The following SCAF8 variants were observed in gnomAD, a reference collection of about 807,000 sequenced individuals.
SCAF8 encodes SR-related and CTD-associated factor 8.
SCAF8 carries 23 observed loss-of-function variants against 140.5 expected under a neutral mutation model. The ratio of observed to expected loss-of-function variants is 0.16; its 90% CI spans 0.12 to 0.23. The LOEUF (loss-of-function observed/expected upper bound fraction) is 0.23, where lower values mean the gene tolerates loss of function less well. SCAF8 is among the 10% of genes least tolerant of loss of function. The pLI is 1.00. For missense variants in SCAF8, 1,397 were observed against 1,555.7 expected, an observed-to-expected ratio of 0.90 and a Z score of 1.72; for synonymous variants, 575 against 528.9, an observed-to-expected ratio of 1.09 and a Z score of -1.20.
chr6:154,797,320 G>T (rs1181164617), intron 6 of SCAF8, among the ~76,000 whole-genome samples: 2 of 151,232 alleles, frequency 1.3e-5, no homozygotes, highest in African/African-American at 4.8e-5. Context: ...CCTCTAAATA[G>T]CTTTTGATCC....
At chr6:154,756,691 T>A (rs996655084) in intron 1 of SCAF8, among the ~76,000 whole-genome samples, 1 of 152,216 alleles carries the variant, frequency 6.6e-6, no homozygotes, top group African/African-American at 2.4e-5. Flanking sequence ...TAACAAATGA[T>A]GTTGGGGATT....
chr6:154,783,471 A>G (rs772961684), intron 3 of SCAF8, among the ~76,000 whole-genome samples: 52 of 152,182 alleles, frequency 3.4e-4, no homozygotes, highest in Non-Finnish European at 3.1e-4. Flanking sequence ...GCTTTTGGCT[A>G]TGATTACCTT....
intron 1 of SCAF8, among the ~76,000 whole-genome samples, chr6:154,760,401 C>T (rs983763376): frequency 6.6e-6 from 1 of 152,062 alleles, no homozygotes; most frequent in African/African-American, 2.4e-5. Context: ...TTTAATCTTG[C>T]TAGACAGATG....
chr6:154,828,408 T>C (rs753098535), intron 18 of SCAF8, among the ~76,000 whole-genome samples: 2 of 152,098 alleles, frequency 1.3e-5, no homozygotes, highest in Non-Finnish European at 2.9e-5. Flanking sequence ...AAAGAGAGAT[T>C]TCTCATTTCT....
At chr6:154,820,484 C>T in intron 15 of SCAF8, 151 bp downstream of exon 15, 1 of 590,940 alleles carries the variant, frequency 1.7e-6, no homozygotes, top group Non-Finnish European at 2.9e-6. Context: ...AGTGTACATG[C>T]TTAATGGGAC....
chr6:154,739,463 T>TC (rs1278697368), intron 1 of SCAF8, among the ~76,000 whole-genome samples: 19 of 152,168 alleles, frequency 1.2e-4, no homozygotes, highest in Admixed American at 3.9e-4. Flanking sequence ...ATGTAGCCTT[T>TC]CCCCCATGAT....
intron 12 of SCAF8, among the ~76,000 whole-genome samples, chr6:154,814,628 A>C (rs1002997007): frequency 3.3e-5 from 5 of 152,348 alleles, no homozygotes; most frequent in Admixed American, 6.5e-5. Context: ...AACCTGTCTT[A>C]TTATAGATCA....
chr6:154,793,107 G>T (rs1317275002), intron 5 of SCAF8, 131 bp downstream of exon 5: 2 of 537,190 alleles, frequency 3.7e-6, no homozygotes, highest in African/African-American at 2.0e-5. Flanking sequence ...GAAAATATTT[G>T]TAGAGAAAAA....
chr6:154,771,262 G>A (rs1264322345), intron 1 of SCAF8, among the ~76,000 whole-genome samples: 3 of 152,210 alleles, frequency 2.0e-5, no homozygotes, highest in Non-Finnish European at 2.9e-5. Context: ...ATCTGATTGG[G>A]GAGGTCGGGA....
intron 6 of SCAF8, among the ~76,000 whole-genome samples, chr6:154,798,456 C>T (rs1316340595): frequency 1.3e-5 from 2 of 151,360 alleles, no homozygotes; most frequent in African/African-American, 4.8e-5. Context: ...AATGGAAATG[C>T]GATTTTTCCA....
chr6:154,764,888 A>G (rs1208595559), intron 1 of SCAF8, among the ~76,000 whole-genome samples: 1 of 152,192 alleles, frequency 6.6e-6, no homozygotes, highest in Admixed American at 6.6e-5. Context: ...CAATTCTTGG[A>G]GGCAGGTTAA....
intron 11 of SCAF8, 41 bp downstream of exon 11, chr6:154,808,839 A>G (rs1369974906): frequency 7.6e-7 from 1 of 1,315,970 alleles, no homozygotes. Flanking sequence ...TGTGAACTTT[A>G]AAATGTTGGC....
At chr6:154,760,568 C>G (rs770549782) in intron 1 of SCAF8, among the ~76,000 whole-genome samples, 67 of 152,236 alleles carry the variant, frequency 4.4e-4, no homozygotes, top group Non-Finnish European at 8.8e-4. Context: ...TAACTACACT[C>G]TGCTAACTGT....
At chr6:154,767,451 C>T (rs752329530) in intron 1 of SCAF8, among the ~76,000 whole-genome samples, 1 of 150,532 alleles carries the variant, frequency 6.6e-6, no homozygotes, top group Non-Finnish European at 1.5e-5. Flanking sequence ...TTCTCCTCAA[C>T]GATATTCTTA....
intron 5 of SCAF8, among the ~76,000 whole-genome samples, 175 bp from the exon 6 acceptor site, chr6:154,794,834 A>G: frequency 1.5e-5 from 2 of 129,090 alleles, no homozygotes; most frequent in Non-Finnish European, 3.2e-5. Flanking sequence ...TGTGTGTTTA[A>G]TGTACCTAAT....
intron 1 of SCAF8, among the ~76,000 whole-genome samples, chr6:154,748,599 TTGGCTTTTCTTTAAC>T (rs1411025493): frequency 1.3e-5 from 2 of 152,184 alleles, no homozygotes; most frequent in African/African-American, 4.8e-5. Context: ...ATTAATATAT[TTGGCTTTTCTTTAAC>T]ATCAAGAAAT....
rs1778766966 is a variant in SCAF8 at position 154,832,252 on chromosome 6, A to G, written c.2673A>G (p.Pro891=). 4 of 1,614,132 alleles carry G rather than the reference A, an allele frequency of 2.5e-6. No individual in the cohort carries two copies. The highest frequency in any genetic ancestry group is 3.4e-6 in the Non-Finnish European group (4 of 1,180,006). The change falls in exon 20 of 20, where the codon CCA becomes CCG. Residue 891 remains proline (P), a synonymous_variant. Coordinates refer to ENST00000367178, the MANE Select transcript of SCAF8 (RefSeq NM_014892.5). ...GLVGVQPPNV[P]NTPGLLGTQP... is the part of the protein sequence containing the mutation. ...TAGGAGTACAGCCACCAAATGTTCCAAATACTCCTGGACTTCTGGGAACAC... is the reference window on the plus strand; with the variant it reads ...TAGGAGTACAGCCACCAAATGTTCCGAATACTCCTGGACTTCTGGGAACAC...
At chr6:154,780,978 C>T (rs889897414) in intron 3 of SCAF8, among the ~76,000 whole-genome samples, 4 of 152,114 alleles carry the variant, frequency 2.6e-5, no homozygotes, top group African/African-American at 7.2e-5. Context: ...AACTAATTTA[C>T]ATTCCCACCA....
intron 10 of SCAF8, 115 bp from the exon 11 acceptor site, chr6:154,808,571 C>A: frequency 2.9e-6 from 2 of 688,460 alleles, no homozygotes; most frequent in East Asian, 2.7e-5. Flanking sequence ...GATTGGACAC[C>A]CCTGTATTAG....
Sources: gnomAD v4.1 joint callset for allele counts (sites outside exome capture counted in the v4.1 genomes callset) on GRCh38, gnomAD v4.1.1 for gene constraint, MANE v1.5 for transcripts, NCBI Gene and HGNC (gene_info 2026-07-23, HGNC 2026-07-21) for gene names.